The following CPXM2 variants were observed in gnomAD, a reference collection of about 807,000 sequenced individuals.
The protein encoded by CPXM2 is carboxypeptidase X, M14 family member 2, also known as inactive carboxypeptidase-like protein X2.
In CPXM2, 66 loss-of-function variants were observed where a neutral mutation model predicts 86.1. The ratio of observed to expected loss-of-function variants is 0.77; its 90% CI spans 0.63 to 0.94. The LOEUF is 0.94. Among genes scored for constraint, CPXM2 ranks in the 40% least tolerant of loss-of-function variants. The pLI is 0.00. For missense variants in CPXM2, 948 were observed against 1,026.3 expected (o/e 0.92, Z 1.04); for synonymous variants, 388 against 400.2 (o/e 0.97, Z 0.36).
intron 2 of CPXM2, among the ~76,000 whole-genome samples, chr10:123,929,023 G>C (rs2134285010): frequency 6.6e-6 from 1 of 152,336 alleles, no homozygotes; most frequent in East Asian, 1.9e-4. Context: ...GGGGCCTATA[G>C]CTGGTACCTC....
At chr10:123,780,339 C>A (rs1019578285) in intron 6 of CPXM2, 84 bp from the exon 7 acceptor site, 2 of 918,578 alleles carry the variant, frequency 2.2e-6, no homozygotes, top group Non-Finnish European at 3.6e-6. Context: ...GGGGACTGCA[C>A]GGACAGTGCA....
rs78881269 is a variant in CPXM2 at position 123,907,077 on chromosome 10, C to T, written n.175-26768G>A. On this transcript the variant is annotated intron_variant and non_coding_transcript_variant, in intron 2 of 19. Coordinates refer to the CPXM2 transcript ENST00000368854. ...GAGGCACCTTAGGAAACACGAAGCA[C>T]GGTGTGTGCATGTGTGTTCTAAATA... Among the ~76,000 whole-genome samples, 652 of 152,312 alleles carry T rather than the reference C, an allele frequency of 4.3e-3. 1 individual carries two copies. Among genetic ancestry groups the T allele is most frequent in the African/African-American group, 0.013 (534 of 41,562 alleles).
At chr10:123,818,203 G>T (rs1010054821) in intron 4 of CPXM2, among the ~76,000 whole-genome samples, 2 of 152,212 alleles carry the variant, frequency 1.3e-5, no homozygotes, top group Non-Finnish European at 2.9e-5. Flanking sequence ...CCATTCTGTG[G>T]ACATCACTCA....
chr10:123,921,285 T>C (rs1945577128), intron 2 of CPXM2, among the ~76,000 whole-genome samples: 1 of 152,194 alleles, frequency 6.6e-6, no homozygotes, highest in South Asian at 2.1e-4. Flanking sequence ...AGACAATTTT[T>C]TTTTAAAAAA....
At chr10:123,763,925 A>G (rs567173682) in intron 10 of CPXM2, among the ~76,000 whole-genome samples, 6 of 152,202 alleles carry the variant, frequency 3.9e-5, no homozygotes, top group Non-Finnish European at 8.8e-5. Context: ...TCATTATGCC[A>G]GTGTATACTC....
intron 11 of CPXM2, among the ~76,000 whole-genome samples, chr10:123,760,213 G>A (rs575475596): frequency 5.3e-5 from 8 of 152,182 alleles, no homozygotes; most frequent in African/African-American, 1.7e-4. Flanking sequence ...CCAACACTGC[G>A]GAATCCAGGT....
chr10:123,830,888 G>C (rs200103798), intron 4 of CPXM2, among the ~76,000 whole-genome samples: 18,393 of 151,614 alleles, frequency 0.12, 1,258 homozygotes, highest in East Asian at 0.29. Context: ...GTGTGTGTGT[G>C]TGTGTGTGTG....
At chr10:123,755,382 T>G (rs1400464022) in intron 12 of CPXM2, among the ~76,000 whole-genome samples, 1 of 152,158 alleles carries the variant, frequency 6.6e-6, no homozygotes, top group African/African-American at 2.4e-5. Flanking sequence ...AAATTATCTC[T>G]TAGAAAAATA....
chr10:123,809,228 G>A (rs7910496), intron 4 of CPXM2, among the ~76,000 whole-genome samples: 21,177 of 152,100 alleles, frequency 0.14, 1,622 homozygotes, highest in East Asian at 0.33. Flanking sequence ...TAGGGATGCT[G>A]GCAATTCAGA....
chr10:123,922,591 A>G (rs1391750888), intron 2 of CPXM2, among the ~76,000 whole-genome samples: 2 of 152,230 alleles, frequency 1.3e-5, no homozygotes, highest in African/African-American at 2.4e-5. Flanking sequence ...CTGAGTTTGC[A>G]TAAGCAAATA....
intron 3 of CPXM2, among the ~76,000 whole-genome samples, chr10:123,852,377 T>C (rs1000195277): frequency 1.3e-5 from 2 of 152,206 alleles, no homozygotes; most frequent in Non-Finnish European, 2.9e-5. Flanking sequence ...CAGAAAATCC[T>C]ACTTTCAAAA....
chr10:123,748,659 C>T (rs1351998976), intron 13 of CPXM2, among the ~76,000 whole-genome samples: 1 of 152,064 alleles, frequency 6.6e-6, no homozygotes. Context: ...GCGCTGTGTG[C>T]TGGGTCTTTT....
chr10:123,796,960 C>T (rs928342742), intron 6 of CPXM2, among the ~76,000 whole-genome samples: 3 of 152,232 alleles, frequency 2.0e-5, no homozygotes, highest in South Asian at 2.1e-4. Context: ...AGGCCAGCCA[C>T]CTTCTTTGGA....
At chr10:123,851,662 G>C (rs947226273) in intron 3 of CPXM2, among the ~76,000 whole-genome samples, 1 of 151,852 alleles carries the variant, frequency 6.6e-6, no homozygotes, top group Non-Finnish European at 1.5e-5. Context: ...CCAGCTCCTC[G>C]GGAGGCTGAG....
chr10:123,807,093 G>T (rs374743367), intron 4 of CPXM2, among the ~76,000 whole-genome samples: 171 of 152,268 alleles, frequency 1.1e-3, no homozygotes, highest in African/African-American at 3.8e-3. Flanking sequence ...TGAGCACAGT[G>T]CCTGGCACGT....
intron 6 of CPXM2, among the ~76,000 whole-genome samples, chr10:123,793,938 A>G (rs115316873): frequency 0.027 from 4,147 of 152,350 alleles, 193 homozygotes; most frequent in African/African-American, 0.093. Context: ...GTTCATCTCC[A>G]TGATGGGTGG....
intron 2 of CPXM2, among the ~76,000 whole-genome samples, chr10:123,932,071 G>A (rs957112047): frequency 6.6e-5 from 10 of 152,236 alleles, no homozygotes; most frequent in Middle Eastern, 3.4e-3. Context: ...GTGAGTCTAC[G>A]AAGGTACAGG....
At chr10:123,800,272 A>G (rs1475846051) in intron 4 of CPXM2, among the ~76,000 whole-genome samples, 2 of 151,906 alleles carry the variant, frequency 1.3e-5, no homozygotes, top group African/African-American at 4.8e-5. Flanking sequence ...TTGGAAACAA[A>G]CCCTCATCTC....
intron 4 of CPXM2, among the ~76,000 whole-genome samples, chr10:123,828,044 G>A (rs1389773894): frequency 6.6e-6 from 1 of 152,068 alleles, no homozygotes; most frequent in East Asian, 1.9e-4. Flanking sequence ...TGTGGTGCAT[G>A]CCTCTAGTCC....
Sources: allele counts gnomAD v4.1 joint callset (sites outside exome capture counted in the v4.1 genomes callset), GRCh38; gene constraint gnomAD v4.1.1; transcripts MANE v1.5; gene names NCBI Gene and HGNC (gene_info 2026-07-23, HGNC 2026-07-21).